The following MCHR2 variants were observed in gnomAD, a reference collection of about 807,000 sequenced individuals.
The protein encoded by MCHR2 is melanin concentrating hormone receptor 2.
In MCHR2, 15 loss-of-function variants were observed where a neutral mutation model predicts 24.8. The ratio of observed to expected loss-of-function variants is 0.60; its 90% CI spans 0.40 to 0.93. The LOEUF is 0.93. Among genes scored for constraint, MCHR2 ranks in the 40% least tolerant of loss-of-function variants. MCHR2 has a pLI of 0.00. For missense variants in MCHR2, 386 were observed against 408.7 expected (o/e 0.94, Z 0.48); for synonymous variants, 151 against 147.6 (o/e 1.02, Z -0.17).
chr6:99,931,631 C>A (rs1019095585), intron 5 of MCHR2, among the ~76,000 whole-genome samples: 1 of 152,072 alleles, frequency 6.6e-6, no homozygotes, highest in Non-Finnish European at 1.5e-5. Context: ...GGGCGTAGGA[C>A]CCCCTGAGCC....
Position 99,982,467 on chromosome 6 carries a change from G to GAAAAA in MCHR2, c.-28+11464_-28+11468dup, listed in dbSNP as rs1196029682. Reference sequence around the variant, plus strand: ...AATATGGAGAAACCTTGTCTGTACAGAAAAAAAAAAAAAAAAAAAAAAAAA... The same window carrying GAAAAA: ...AATATGGAGAAACCTTGTCTGTACAGAAAAAAAAAAAAAAAAAAAAAAAAAAAAAA... On this transcript the variant is annotated intron_variant, in intron 1 of 5. Coordinates refer to ENST00000281806, the MANE Select transcript of MCHR2 (RefSeq NM_001040179.2). 1.6e-3 allele frequency among the ~76,000 whole-genome samples: 76 copies of GAAAAA among 46,632 alleles called. 12 individuals carry two copies. The East Asian group carries it at 0.025, about 15-fold the overall frequency. 30.6% of individuals were successfully genotyped at this position (46,632 alleles called of 152,430 possible).
intron 2 of MCHR2, among the ~76,000 whole-genome samples, chr6:99,950,370 C>T (rs1004473607): frequency 2.0e-5 from 3 of 151,978 alleles, no homozygotes; most frequent in African/African-American, 7.2e-5. Context: ...CTTTAGATTT[C>T]CTGTTGTCAG....
At chr6:99,932,347 A>G (rs1774564351) in intron 5 of MCHR2, among the ~76,000 whole-genome samples, 1 of 152,168 alleles carries the variant, frequency 6.6e-6, no homozygotes, top group South Asian at 2.1e-4. Context: ...CCTTTTTTAC[A>G]GAAGCATTCT....
chr6:99,928,996 C>A (rs2114494442), intron 5 of MCHR2, among the ~76,000 whole-genome samples: 1 of 152,160 alleles, frequency 6.6e-6, no homozygotes, highest in Admixed American at 6.5e-5. Flanking sequence ...TTTCCCTCTA[C>A]ACTCTGCTTT....
intron 5 of MCHR2, among the ~76,000 whole-genome samples, chr6:99,931,937 G>A (rs1473331444): frequency 1.3e-5 from 2 of 152,116 alleles, no homozygotes; most frequent in Non-Finnish European, 2.9e-5. Flanking sequence ...CGTCGCTCAC[G>A]CTGGGAGCTG....
chr6:99,945,407 T>C (rs1774856539), intron 3 of MCHR2, among the ~76,000 whole-genome samples: 1 of 152,218 alleles, frequency 6.6e-6, no homozygotes, highest in Non-Finnish European at 1.5e-5. Flanking sequence ...CAAACATTTT[T>C]AATATTTTGG....
At chr6:99,975,343 G>C (rs1030224472) in intron 1 of MCHR2, among the ~76,000 whole-genome samples, 24 of 152,182 alleles carry the variant, frequency 1.6e-4, no homozygotes, top group Admixed American at 1.5e-3. Flanking sequence ...AGGAATCAGC[G>C]AGACTCCGTG....
chr6:99,974,196 C>T (rs1014580260), intron 1 of MCHR2, among the ~76,000 whole-genome samples: 1 of 152,216 alleles, frequency 6.6e-6, no homozygotes, highest in African/African-American at 2.4e-5. Flanking sequence ...TTCAGGTACA[C>T]CAATCAGATG....
chr6:99,966,689 C>A (rs975900404), intron 1 of MCHR2, among the ~76,000 whole-genome samples: 1 of 152,124 alleles, frequency 6.6e-6, no homozygotes, highest in Non-Finnish European at 1.5e-5. Flanking sequence ...TATTAATTCA[C>A]TGATGGTTGT....
At chr6:99,971,560 C>T (rs1369629472) in intron 1 of MCHR2, among the ~76,000 whole-genome samples, 2 of 152,152 alleles carry the variant, frequency 1.3e-5, no homozygotes, top group Non-Finnish European at 2.9e-5. Flanking sequence ...ATTTCCTTCT[C>T]CTGCCTCATT....
chr6:99,956,625 G>C (rs1775066747), intron 1 of MCHR2, among the ~76,000 whole-genome samples: 1 of 152,046 alleles, frequency 6.6e-6, no homozygotes, highest in Admixed American at 6.6e-5. Flanking sequence ...TTTAGAAATG[G>C]AATGGGTAAG....
chr6:99,967,436 C>A (rs1385442791), intron 1 of MCHR2, among the ~76,000 whole-genome samples: 1 of 152,006 alleles, frequency 6.6e-6, no homozygotes, highest in Non-Finnish European at 1.5e-5. Flanking sequence ...ATCAAAAGAC[C>A]TAACAGATGA....
chr6:99,981,943 T>C (rs1002844835), intron 1 of MCHR2, among the ~76,000 whole-genome samples: 2 of 152,158 alleles, frequency 1.3e-5, no homozygotes, highest in African/African-American at 2.4e-5. Flanking sequence ...AAACATATGG[T>C]GTAAGCTCAA....
intron 1 of MCHR2, among the ~76,000 whole-genome samples, chr6:99,975,321 G>T (rs892074142): frequency 1.1e-4 from 16 of 152,172 alleles, no homozygotes; most frequent in African/African-American, 3.9e-4. Context: ...TTTGATCTCA[G>T]ACTGCTGTGC....
At chr6:99,934,980 C>G (rs1163705973) in intron 4 of MCHR2, among the ~76,000 whole-genome samples, 2 of 151,954 alleles carry the variant, frequency 1.3e-5, no homozygotes, top group Non-Finnish European at 2.9e-5. Flanking sequence ...ATTACCCAAA[C>G]AGTAACTGGC....
intron 1 of MCHR2, among the ~76,000 whole-genome samples, chr6:99,971,774 T>G (rs1272344172): frequency 6.6e-6 from 1 of 152,178 alleles, no homozygotes; most frequent in East Asian, 1.9e-4. Flanking sequence ...GCATGAAGTG[T>G]TGTTGAATTT....
intron 1 of MCHR2, among the ~76,000 whole-genome samples, chr6:99,970,976 A>T (rs1449742581): frequency 6.6e-6 from 1 of 152,136 alleles, no homozygotes; most frequent in Admixed American, 6.5e-5. Flanking sequence ...CTTGTAGTAT[A>T]GTTTGAAGTC....
At chr6:99,948,025 G>C (rs547602698) in intron 2 of MCHR2, 54 bp from the exon 3 acceptor site, 1 of 1,464,318 alleles carries the variant, frequency 6.8e-7, no homozygotes, top group South Asian at 1.2e-5. Context: ...CAGACTATTC[G>C]ATATATGCTA....
At chr6:99,931,369 C>A (rs969245038) in intron 5 of MCHR2, among the ~76,000 whole-genome samples, 1 of 152,210 alleles carries the variant, frequency 6.6e-6, no homozygotes. Context: ...GTCTTCAAAG[C>A]TGTCAGACAG....
Sources: allele counts gnomAD v4.1 joint callset (sites outside exome capture counted in the v4.1 genomes callset), GRCh38; gene constraint gnomAD v4.1.1; transcripts MANE v1.5; gene names NCBI Gene and HGNC (gene_info 2026-07-23, HGNC 2026-07-21).